The following TFEC variants were observed in gnomAD, a reference collection of about 807,000 sequenced individuals.
TFEC encodes the protein class E basic helix-loop-helix protein 34.
TFEC carries 31 observed loss-of-function variants against 41.6 expected under a neutral mutation model. The observed-to-expected ratio is 0.74, with a 90% CI of 0.56 to 1.01. TFEC has a LOEUF of 1.01. TFEC is among the 50% of genes least tolerant of loss of function. The pLI is 0.00. For missense variants in TFEC, 402 were observed against 404.1 expected (o/e 0.99, Z 0.04); for synonymous variants, 143 against 140.6 (o/e 1.02, Z -0.12).
chr7:116,035,591 G>C (rs1283506912), upstream of TFEC, among the ~76,000 whole-genome samples: 1 of 151,750 alleles, frequency 6.6e-6, no homozygotes, highest in Non-Finnish European at 1.5e-5. Context: ...AAAATATTTT[G>C]AAAATTAAAA....
chr7:115,952,662 T>C (rs1007288742), intron 5 of TFEC, among the ~76,000 whole-genome samples: 1 of 152,080 alleles, frequency 6.6e-6, no homozygotes, highest in African/African-American at 2.4e-5. Context: ...GAAATCTGGC[T>C]CCCAATGGTG....
At chr7:115,955,006 T>C (rs1009845660) in intron 4 of TFEC, among the ~76,000 whole-genome samples, 4 of 152,028 alleles carry the variant, frequency 2.6e-5, no homozygotes, top group Non-Finnish European at 5.9e-5. Flanking sequence ...ACAGAAAATA[T>C]AGTATTCAAT....
intron 1 of TFEC, among the ~76,000 whole-genome samples, chr7:116,143,666 C>A (rs17244139): frequency 6.6e-6 from 1 of 152,000 alleles, no homozygotes; most frequent in African/African-American, 2.4e-5. Context: ...TAGGGAACTG[C>A]GGGATCCTAG....
chr7:115,955,209 C>A (rs1236726405), intron 4 of TFEC, among the ~76,000 whole-genome samples: 1 of 152,030 alleles, frequency 6.6e-6, no homozygotes, highest in African/African-American at 2.4e-5. Flanking sequence ...TGACCATCAA[C>A]CTCCAGGATG....
chr7:115,977,083 C>G (rs1554392735), intron 2 of TFEC, among the ~76,000 whole-genome samples: 3 of 152,044 alleles, frequency 2.0e-5, no homozygotes, highest in Non-Finnish European at 4.4e-5. Context: ...ATGTTAAAAT[C>G]TAAAACCCAG....
chr7:116,009,902 G>T (rs1303498050), intron 1 of TFEC, among the ~76,000 whole-genome samples: 1 of 152,152 alleles, frequency 6.6e-6, no homozygotes, highest in African/African-American at 2.4e-5. Context: ...TGATAGGACG[G>T]AGAAATGCAC....
intron 3 of TFEC, among the ~76,000 whole-genome samples, chr7:115,966,798 C>T (rs1042560036): frequency 6.6e-6 from 1 of 151,710 alleles, no homozygotes; most frequent in Non-Finnish European, 1.5e-5. Flanking sequence ...TTCTGCACTA[C>T]CAATGTCCCC....
At chr7:115,957,271 G>A (rs1466445602) in intron 3 of TFEC, among the ~76,000 whole-genome samples, 2 of 151,834 alleles carry the variant, frequency 1.3e-5, no homozygotes, top group Non-Finnish European at 2.9e-5. Context: ...GTCAAGAGGT[G>A]TTTTACACTG....
intron 5 of TFEC, among the ~76,000 whole-genome samples, chr7:115,952,344 A>T (rs1791991351): frequency 6.6e-6 from 1 of 151,970 alleles, no homozygotes; most frequent in Admixed American, 6.6e-5. Context: ...ATATACACAC[A>T]TATAATACAT....
At chr7:115,996,239 C>T (rs1794362207) in intron 1 of TFEC, among the ~76,000 whole-genome samples, 1 of 151,896 alleles carries the variant, frequency 6.6e-6, no homozygotes, top group African/African-American at 2.4e-5. Flanking sequence ...AACATGGGTA[C>T]CAGCTCAGCC....
At chr7:116,097,490 T>G (rs1797494168) in intron 3 of TFEC, among the ~76,000 whole-genome samples, 1 of 152,162 alleles carries the variant, frequency 6.6e-6, no homozygotes, top group African/African-American at 2.4e-5. Context: ...TAAGGGTGAC[T>G]TGGACACAAG....
chr7:116,113,912 T>C (rs927021885), intron 1 of TFEC, among the ~76,000 whole-genome samples: 2 of 152,018 alleles, frequency 1.3e-5, no homozygotes, highest in Admixed American at 1.3e-4. Context: ...GAAGTAATAA[T>C]GTTAATGATG....
At chr7:115,983,797 T>G (rs1321266682) in intron 2 of TFEC, among the ~76,000 whole-genome samples, 1 of 152,130 alleles carries the variant, frequency 6.6e-6, no homozygotes, top group Non-Finnish European at 1.5e-5. Flanking sequence ...AAAGCAAAAG[T>G]TAAAAGATCC....
intron 3 of TFEC, among the ~76,000 whole-genome samples, chr7:116,044,051 AG>A (rs1796102298): frequency 6.6e-6 from 1 of 152,328 alleles, no homozygotes; most frequent in South Asian, 2.1e-4. Flanking sequence ...AGTAATCTAC[AG>A]TCTCTGAAAT....
At chr7:116,134,734 C>T (rs1798402869) in intron 1 of TFEC, among the ~76,000 whole-genome samples, 1 of 152,096 alleles carries the variant, frequency 6.6e-6, no homozygotes, top group South Asian at 2.1e-4. Flanking sequence ...TTATACACAT[C>T]TTACAAATAT....
At chr7:115,954,693 C>T (rs751314847) in intron 4 of TFEC, 51 bp from the exon 5 acceptor site, 6 of 1,412,026 alleles carry the variant, frequency 4.2e-6, no homozygotes, top group African/African-American at 1.4e-5. Context: ...CCTTAAAACC[C>T]CTCCAGGCAA....
chr7:116,029,904 C>CA (rs34533153), intron 1 of TFEC, among the ~76,000 whole-genome samples: 88,688 of 146,620 alleles, frequency 0.6, 26,799 homozygotes, highest in East Asian at 0.75. Context: ...ACTAAAGATA[C>CA]AAAAAAAAAA....
chr7:115,968,155 C>T, intron 3 of TFEC: 1 of 1,517,234 alleles, frequency 6.6e-7, no homozygotes, highest in Admixed American at 2.1e-5. Context: ...TCTCCAAACA[C>T]TGAAAGAATT....
intron 7 of TFEC, 148 bp from the exon 8 acceptor site, chr7:115,941,079 G>A (rs1243073100): frequency 1.5e-5 from 12 of 775,582 alleles, no homozygotes; most frequent in East Asian, 2.9e-5. Flanking sequence ...TGCAAATAAT[G>A]AAATTGATAC....
Sources: gnomAD v4.1 joint callset for allele counts (sites outside exome capture counted in the v4.1 genomes callset) on GRCh38, gnomAD v4.1.1 for gene constraint, MANE v1.5 for transcripts, NCBI Gene and HGNC (gene_info 2026-07-23, HGNC 2026-07-21) for gene names.